The following GRID2 variants were observed in gnomAD, a reference collection of about 807,000 sequenced individuals.
The protein encoded by GRID2 is glutamate ionotropic receptor delta type subunit 2.
A neutral mutation model predicts 114.8 loss-of-function variants in GRID2; 33 were observed. The observed-to-expected ratio is 0.29, with a 90% confidence interval of 0.22 to 0.38. The LOEUF (loss-of-function observed/expected upper bound fraction) is 0.38, where lower values mean the gene tolerates loss of function less well. GRID2 is among the 10% of genes least tolerant of loss of function. GRID2 has a pLI of 1.00. For synonymous variants in GRID2, 505 were observed against 449.9 expected (o/e 1.12, Z -1.55); for missense variants, 1,184 against 1,257.7 (o/e 0.94, Z 0.89).
chr4:93,072,511 C>A, intron 2 of GRID2, among the ~76,000 whole-genome samples: 1 of 152,062 alleles, frequency 6.6e-6, no homozygotes, highest in East Asian at 1.9e-4. Context: ...ACAGAGCTCT[C>A]CTGAGTGGAA....
At chr4:93,120,457 A>G (rs962647751) in intron 4 of GRID2, among the ~76,000 whole-genome samples, 1 of 152,178 alleles carries the variant, frequency 6.6e-6, no homozygotes, top group Admixed American at 6.5e-5. Context: ...GAGATGGATG[A>G]AACCAGAAAC....
chr4:93,120,020 G>T (rs970814190), intron 4 of GRID2, among the ~76,000 whole-genome samples: 4 of 152,154 alleles, frequency 2.6e-5, no homozygotes, highest in Admixed American at 6.5e-5. Flanking sequence ...GGTCGTAAGA[G>T]AAATGCAAAT....
downstream of GRID2, chr4:93,810,216 C>G (rs569431397): frequency 1.3e-5 from 2 of 152,102 alleles, no homozygotes; most frequent in African/African-American, 2.4e-5. Flanking sequence ...AAATAAAATC[C>G]TTGGTATTAC....
rs563514498 is a variant in GRID2 at position 93,336,243 on chromosome 4, C to T, written c.1246-59364C>T. Reference sequence around the variant, plus strand: ...TTTGAACTGTATTCCTTTTGTATACCCCCAAATTTATACCATTATTATATT... The same window carrying T: ...TTTGAACTGTATTCCTTTTGTATACTCCCAAATTTATACCATTATTATATT... On this transcript the variant is annotated intron_variant, in intron 8 of 15. Transcript: ENST00000282020. Among the ~76,000 whole-genome samples, 11 of 151,776 alleles carry T rather than the reference C, an allele frequency of 7.2e-5. No individual in the cohort carries two copies. The South Asian group carries it at 1.9e-3, about 26-fold the overall frequency.
intron 14 of GRID2, among the ~76,000 whole-genome samples, chr4:93,739,033 A>T (rs1199331070): frequency 6.6e-6 from 1 of 152,028 alleles, no homozygotes; most frequent in South Asian, 2.1e-4. Context: ...CCTAAAAGAG[A>T]GCAGCCATCA....
At chr4:93,323,263 A>G (rs1218598437) in intron 8 of GRID2, among the ~76,000 whole-genome samples, 10 of 152,168 alleles carry the variant, frequency 6.6e-5, no homozygotes, top group Non-Finnish European at 1.5e-5. Context: ...CTTTCTACAT[A>G]TGGCTAGCCA....
intron 13 of GRID2, among the ~76,000 whole-genome samples, chr4:93,620,763 GA>G (rs1317388764): frequency 2.0e-5 from 3 of 152,092 alleles, no homozygotes; most frequent in African/African-American, 7.2e-5. Context: ...TAGGCTAGAG[GA>G]ATGTGCATAA....
At chr4:93,764,727 A>C (rs966418407) in intron 14 of GRID2, among the ~76,000 whole-genome samples, 11 of 152,184 alleles carry the variant, frequency 7.2e-5, no homozygotes, top group African/African-American at 2.7e-4. Context: ...TAATAGTTTA[A>C]GTATTTACAG....
At chr4:93,174,178 ATG>A (rs1008412863) in intron 4 of GRID2, among the ~76,000 whole-genome samples, 1 of 152,156 alleles carries the variant, frequency 6.6e-6, no homozygotes, top group African/African-American at 2.4e-5. Flanking sequence ...GTGTTATTGT[ATG>A]TGTAGTTTCA....
chr4:92,781,499 G>A (rs1228256769), intron 2 of GRID2, among the ~76,000 whole-genome samples: 3 of 152,088 alleles, frequency 2.0e-5, no homozygotes, highest in Admixed American at 6.6e-5. Context: ...TCTTCAAAGT[G>A]ATAAAATACG....
intron 2 of GRID2, among the ~76,000 whole-genome samples, chr4:92,831,361 T>C (rs1742087202): frequency 6.6e-6 from 1 of 152,078 alleles, no homozygotes; most frequent in Non-Finnish European, 1.5e-5. Context: ...AGATGTCAAA[T>C]GACAATGAGA....
chr4:92,541,228 G>T (rs1241740871), intron 1 of GRID2, among the ~76,000 whole-genome samples: 1 of 151,448 alleles, frequency 6.6e-6, no homozygotes, highest in Non-Finnish European at 1.5e-5. Flanking sequence ...CACCAACATG[G>T]CACATGTATA....
Position 92,693,563 on chromosome 4 carries a change from G to C in GRID2, c.244+103277G>C, listed in dbSNP as rs1734284102. ...ATTCACTCATTTAATCTTTAACACAGTACTGTGAGATGAACAGGAAATGAC... is the reference window on the plus strand; with the variant it reads ...ATTCACTCATTTAATCTTTAACACACTACTGTGAGATGAACAGGAAATGAC... On this transcript the variant is annotated intron_variant, in intron 2 of 15. Transcript: ENST00000282020. 2.0e-5 allele frequency among the ~76,000 whole-genome samples: 3 copies of C among 152,242 alleles called. No homozygotes were observed. The South Asian group carries it at 6.2e-4, about 32-fold the overall frequency.
chr4:93,319,322 C>CT (rs1424466332), intron 8 of GRID2, among the ~76,000 whole-genome samples: 1 of 152,074 alleles, frequency 6.6e-6, no homozygotes, highest in Non-Finnish European at 1.5e-5. Flanking sequence ...AGAGACTACT[C>CT]TTACGTTTTA....
rs78479074 is a variant in GRID2, at chr4:92,608,600, A to G, written c.244+18314A>G. Among the ~76,000 whole-genome samples, 1,269 of 151,986 alleles carry G rather than the reference A, an allele frequency of 8.3e-3. 13 individuals are homozygous for G. The highest frequency in any genetic ancestry group is 0.029 in the African/African-American group (1,204 of 41,518). ...TACTACACATTTGGCATTGTGTGCT[A>G]TAACTCAGAGTGTCATGGTGCTGTG... On this transcript the variant is annotated intron_variant, in intron 2 of 15. Transcript: ENST00000282020.
At chr4:93,239,804 C>T (rs765741768) in intron 8 of GRID2, among the ~76,000 whole-genome samples, 5 of 151,492 alleles carry the variant, frequency 3.3e-5, no homozygotes, top group African/African-American at 7.3e-5. Context: ...CTGATTTTTA[C>T]GATGTTAATT....
chr4:93,616,240 A>C (rs1306920261), intron 13 of GRID2, among the ~76,000 whole-genome samples: 2 of 152,114 alleles, frequency 1.3e-5, no homozygotes, highest in Non-Finnish European at 2.9e-5. Flanking sequence ...TAATTTTCTT[A>C]GATAAGAAGT....
chr4:92,486,602 A>T lies in GRID2; in HGVS notation c.89-103529A>T, dbSNP rs1224272026. Among the ~76,000 whole-genome samples the T allele has an allele frequency of 4.1e-5, 6 of 148,144 alleles. No homozygotes were observed. The South Asian group carries it at 6.4e-4, about 16-fold the overall frequency. On this transcript the variant is annotated intron_variant, in intron 1 of 15. Coordinates refer to ENST00000282020, the MANE Select transcript of GRID2 (RefSeq NM_001510.4). ...ACACACACACACACAAACACAGATA[A>T]TATAGTAGGAATAAGAAGGGTAAGA...
chr4:92,738,139 T>A (rs1736693365), intron 2 of GRID2, among the ~76,000 whole-genome samples: 1 of 152,172 alleles, frequency 6.6e-6, no homozygotes, highest in Non-Finnish European at 1.5e-5. Context: ...AGATGGTATC[T>A]CATTGTGGTT....
Sources: allele counts gnomAD v4.1 joint callset (sites outside exome capture counted in the v4.1 genomes callset), GRCh38; gene constraint gnomAD v4.1.1; transcripts MANE v1.5; gene names NCBI Gene and HGNC (gene_info 2026-07-23, HGNC 2026-07-21).